The following PLBD1 variants were observed in gnomAD, a reference collection of about 807,000 sequenced individuals.
The protein encoded by PLBD1 is phospholipase B domain containing 1, also known as lysosomal leucine aminopeptidase.
Under a neutral mutation model 63.0 loss-of-function variants are expected in PLBD1, and 60 were observed. That is an observed-to-expected ratio of 0.95 (90% CI 0.77 to 1.18). The LOEUF is 1.18. Ranked by LOEUF, PLBD1 falls within the 50% of genes most tolerant of loss-of-function variation. PLBD1 has a pLI of 0.00. For synonymous variants in PLBD1, 262 were observed against 248.0 expected (o/e 1.06, Z -0.53); for missense variants, 598 against 677.9 (o/e 0.88, Z 1.31).
intron 8 of PLBD1, 68 bp downstream of exon 8, chr12:14,511,192 A>T (rs948523896): frequency 1.5e-6 from 2 of 1,307,948 alleles, no homozygotes; most frequent in Non-Finnish European, 2.1e-6. Flanking sequence ...CACAATGTGC[A>T]TTCCCCTACC....
At chr12:14,526,743 C>G (rs1413695818) in intron 6 of PLBD1, among the ~76,000 whole-genome samples, 1 of 152,136 alleles carries the variant, frequency 6.6e-6, no homozygotes, top group Non-Finnish European at 1.5e-5. Context: ...GAGGCCGAGG[C>G]AGGCAGATCA....
At chr12:14,566,174 C>T (rs1188986991) in intron 1 of PLBD1, among the ~76,000 whole-genome samples, 1 of 152,192 alleles carries the variant, frequency 6.6e-6, no homozygotes, top group East Asian at 1.9e-4. Context: ...CCCCCAGGTA[C>T]CTCTGAATGA....
chr12:14,543,720 A>G (rs1350074810), intron 2 of PLBD1, among the ~76,000 whole-genome samples: 1 of 152,098 alleles, frequency 6.6e-6, no homozygotes, highest in Non-Finnish European at 1.5e-5. Context: ...GCAAGACTCC[A>G]TCTCAGGAAA....
chr12:14,550,162 G>A (rs1239286865), intron 2 of PLBD1, among the ~76,000 whole-genome samples: 1 of 152,200 alleles, frequency 6.6e-6, no homozygotes, highest in Non-Finnish European at 1.5e-5. Context: ...GGCCACTGGA[G>A]TGCTTTTCTC....
chr12:14,538,082 T>C (rs1945533933), intron 4 of PLBD1, among the ~76,000 whole-genome samples: 1 of 152,116 alleles, frequency 6.6e-6, no homozygotes, highest in African/African-American at 2.4e-5. Context: ...TCATATGTGC[T>C]GTTGTTCACC....
rs187731877 is a variant in PLBD1 at position 14,552,490 on chromosome 12, C to A, written c.335+703G>T. ...GATGGCTGGAAATAAATGCACCAAC[C>A]GTTTATTTTTAATTACTCTTCCCTG... On this transcript the variant is annotated intron_variant, in intron 2 of 10. Coordinates refer to ENST00000240617, the MANE Select transcript of PLBD1 (RefSeq NM_024829.6). 2.6e-5 allele frequency among the ~76,000 whole-genome samples: 4 copies of A among 152,272 alleles called. No individual in the cohort carries two copies. In the East Asian group the frequency reaches 7.7e-4, roughly 29 times the overall value.
At chr12:14,506,551 A>C (rs2136902602) in intron 9 of PLBD1, among the ~76,000 whole-genome samples, 1 of 152,352 alleles carries the variant, frequency 6.6e-6, no homozygotes, top group African/African-American at 2.4e-5. Flanking sequence ...AACAAAATAA[A>C]TACAAATTTG....
chr12:14,511,322 TAC>T lies in PLBD1; in HGVS notation c.1122_1123del (p.Tyr375HisfsTer13). ...ATATGTAGGAATTTGCTCCACAATG[TAC>T]AGAGTGCCTTTGTCAAGACTGTGGT... On this transcript the variant is annotated frameshift_variant, in exon 8 of 11. Transcript: ENST00000240617. LOFTEE classifies it high-confidence loss of function. 6.2e-7 allele frequency: 1 copy of T among 1,612,666 alleles called. No homozygotes were observed. Among genetic ancestry groups the T allele is most frequent in the African/African-American group, 1.3e-5 (1 of 75,010 alleles).
chr12:14,518,165 A>G (rs999532290), intron 6 of PLBD1, among the ~76,000 whole-genome samples: 1 of 152,208 alleles, frequency 6.6e-6, no homozygotes, highest in Non-Finnish European at 1.5e-5. Flanking sequence ...TGGGTAACAG[A>G]GTGAGATTCT....
At chr12:14,546,586 A>G (rs1290550346) in intron 2 of PLBD1, among the ~76,000 whole-genome samples, 3 of 152,168 alleles carry the variant, frequency 2.0e-5, no homozygotes, top group African/African-American at 7.2e-5. Context: ...TTCTAGAGAC[A>G]TTTTTGGTTG....
At chr12:14,534,541 T>C (rs998830184) in intron 6 of PLBD1, among the ~76,000 whole-genome samples, 1 of 124,940 alleles carries the variant, frequency 8.0e-6, no homozygotes, top group Admixed American at 7.4e-5. Context: ...CTCTTTTCTT[T>C]TCTTTTTTTT....
intron 1 of PLBD1, among the ~76,000 whole-genome samples, chr12:14,559,416 A>C (rs1945730143): frequency 6.6e-6 from 1 of 152,044 alleles, no homozygotes; most frequent in South Asian, 2.1e-4. Flanking sequence ...ACAGAGTGGA[A>C]TTCCTGGGTT....
At chr12:14,541,227 A>T (rs1226398389) in intron 3 of PLBD1, among the ~76,000 whole-genome samples, 1 of 152,198 alleles carries the variant, frequency 6.6e-6, no homozygotes, top group Non-Finnish European at 1.5e-5. Context: ...GTAAAACCAC[A>T]ATGTTTCACA....
At chr12:14,522,843 C>T (rs4462397) in intron 6 of PLBD1, among the ~76,000 whole-genome samples, 139,179 of 152,144 alleles carry the variant, frequency 0.91, 64,716 homozygotes, top group Non-Finnish European at 0.99. Flanking sequence ...CTCAACAAAA[C>T]AGATATACAA....
rs1945517503 is a variant in PLBD1, at chr12:14,536,602, A to G, written c.667T>C (p.Trp223Arg). The G allele has an allele frequency of 6.2e-7, 1 of 1,614,210 alleles. No homozygotes were observed. Among genetic ancestry groups the G allele is most frequent in the Non-Finnish European group, 8.5e-7 (1 of 1,180,032 alleles). Residue 223 changes from tryptophan to arginine, a missense_variant, in exon 5 of 11, where the codon TGG becomes CGG. Physicochemically the swap from Trp to Arg is moderately radical, Grantham distance 101. Transcript: ENST00000240617. ...AGAGCGGAGCAATGTCCCATGTCCC[A>G]TCTCTTAAAAACCTTTAGGCTGCCG... The part of the protein sequence containing the change: ...KNGSLKVFKR[W>R]DMGHCSALIK...
At chr12:14,548,357 T>C (rs900019668) in intron 2 of PLBD1, among the ~76,000 whole-genome samples, 4 of 147,934 alleles carry the variant, frequency 2.7e-5, no homozygotes, top group East Asian at 2.0e-4. Context: ...CTCAGGAGGC[T>C]GAGCCTAGAG....
chr12:14,520,345 G>A (rs1195414060), intron 6 of PLBD1, among the ~76,000 whole-genome samples: 1 of 152,204 alleles, frequency 6.6e-6, no homozygotes, highest in Non-Finnish European at 1.5e-5. Context: ...ACAGATGCAG[G>A]AGCAACCTCC....
intron 1 of PLBD1, 137 bp from the exon 2 acceptor site, chr12:14,553,549 A>T: frequency 1.3e-6 from 1 of 751,332 alleles, no homozygotes; most frequent in East Asian, 2.7e-5. Context: ...CTGCCGTTAC[A>T]GTTTGCCCTT....
chr12:14,506,358 G>C, intron 9 of PLBD1, 90 bp from the exon 10 acceptor site: 2 of 895,966 alleles, frequency 2.2e-6, no homozygotes, highest in South Asian at 1.5e-5. Context: ...TTAAAGCCTA[G>C]ATAATCAGAG....
Sources: allele counts gnomAD v4.1 joint callset (sites outside exome capture counted in the v4.1 genomes callset), GRCh38; gene constraint gnomAD v4.1.1; transcripts MANE v1.5; gene names NCBI Gene and HGNC (gene_info 2026-07-23, HGNC 2026-07-21).